The following SNX24 variants were observed in gnomAD, a reference collection of about 807,000 sequenced individuals.
SNX24 encodes the protein sorting nexin-24.
SNX24 carries 22 observed loss-of-function variants against 28.7 expected under a neutral mutation model. The observed-to-expected ratio is 0.77, with a 90% CI of 0.55 to 1.10. The LOEUF is 1.10. Among genes scored for constraint, SNX24 ranks in the 50% least tolerant of loss-of-function variants. The pLI is 0.00. For synonymous variants in SNX24, 69 were observed against 71.5 expected (o/e 0.96, Z 0.18); for missense variants, 221 against 201.1 (o/e 1.10, Z -0.60).
At position 122,889,612 on chromosome 5, in the gene SNX24, CATATATATATACACAT is replaced by C. The variant is rs1322881880; in HGVS notation, c.60+43937_60+43952del. ...GTGTATGTGTATATATATATACACA[CATATATATATACACAT>C]ATATATATATACACATACATATGTA... On this transcript the variant is annotated intron_variant, in intron 1 of 6. Coordinates refer to ENST00000261369, the MANE Select transcript of SNX24 (RefSeq NM_014035.4). 6.2e-4 allele frequency among the ~76,000 whole-genome samples: 52 copies of C among 83,380 alleles called. 1 individual carries two copies. The highest frequency in any genetic ancestry group is 3.1e-3 in the East Asian group (6 of 1,954). The allele number at this position is 83,380 out of a possible 152,430, so 54.7% of individuals were successfully genotyped here.
intron 1 of SNX24, among the ~76,000 whole-genome samples, chr5:122,886,829 CA>C (rs879293876): frequency 8.8e-4 from 123 of 139,812 alleles, no homozygotes; most frequent in Middle Eastern, 3.6e-3. Flanking sequence ...GACTCTGACT[CA>C]AAAAAAAAAA....
chr5:122,896,681 C>CG (rs1561562233), intron 1 of SNX24, among the ~76,000 whole-genome samples: 1 of 152,106 alleles, frequency 6.6e-6, no homozygotes, highest in Non-Finnish European at 1.5e-5. Flanking sequence ...TATGTACTGT[C>CG]GGGAAAAAAA....
chr5:122,934,527 T>C (rs1759101863), intron 1 of SNX24, among the ~76,000 whole-genome samples: 1 of 152,042 alleles, frequency 6.6e-6, no homozygotes. Context: ...GCCCAGCTAA[T>C]TTTTGTATTT....
intron 2 of SNX24, among the ~76,000 whole-genome samples, chr5:122,943,721 A>G (rs888789796): frequency 7.2e-5 from 11 of 152,324 alleles, no homozygotes; most frequent in Admixed American, 6.5e-5. Context: ...TGCTAGGACC[A>G]TCATACAATA....
At chr5:122,965,491 G>T (rs1035913170) in intron 3 of SNX24, 6 of 454,662 alleles carry the variant, frequency 1.3e-5, no homozygotes, top group African/African-American at 2.0e-5. Context: ...TGTTGATTTG[G>T]CTTATTTGGA....
chr5:122,863,446 A>T (rs1190674824), intron 1 of SNX24, among the ~76,000 whole-genome samples: 2 of 152,066 alleles, frequency 1.3e-5, no homozygotes, highest in Non-Finnish European at 2.9e-5. Flanking sequence ...GGTGGGGGAA[A>T]TAATGGGAGA....
At chr5:123,009,260 T>A, downstream of SNX24, 18 of 979,744 alleles carry the variant, frequency 1.8e-5, no homozygotes, top group Non-Finnish European at 2.2e-5. Flanking sequence ...TGTATCTGTC[T>A]GTTTACACAC....
At chr5:122,853,508 C>G (rs1176937266) in intron 1 of SNX24, among the ~76,000 whole-genome samples, 1 of 152,154 alleles carries the variant, frequency 6.6e-6, no homozygotes, top group Non-Finnish European at 1.5e-5. Flanking sequence ...ATGGTACATT[C>G]ATTTAAGAAT....
chr5:122,861,416 C>T lies in SNX24; in HGVS notation c.60+15723C>T, dbSNP rs114533740. ...TTAGCTAGCACTGTAACTGAGTCTT[C>T]AAAAGGTCATTCCATCATTCTACCA... On this transcript the variant is annotated intron_variant, in intron 1 of 6. Transcript: ENST00000261369. Among the ~76,000 whole-genome samples the T allele has an allele frequency of 6.6e-3, 1,003 of 152,284 alleles. 8 individuals are homozygous for T. The highest frequency in any genetic ancestry group is 0.034 in the Middle Eastern group (10 of 294).
intron 3 of SNX24, among the ~76,000 whole-genome samples, chr5:122,956,220 A>T (rs1224378193): frequency 1.3e-5 from 2 of 152,106 alleles, no homozygotes; most frequent in Non-Finnish European, 2.9e-5. Context: ...ACGTTCTATT[A>T]TATGTGGTGC....
intron 5 of SNX24, among the ~76,000 whole-genome samples, chr5:123,019,288 T>G (rs1301834663): frequency 1.3e-5 from 2 of 148,826 alleles, no homozygotes; most frequent in South Asian, 4.2e-4. Flanking sequence ...TTCTTTAATT[T>G]GAAAAAAAAA....
At chr5:122,924,523 G>A (rs901263708) in intron 1 of SNX24, among the ~76,000 whole-genome samples, 3 of 152,094 alleles carry the variant, frequency 2.0e-5, no homozygotes, top group South Asian at 2.1e-4. Flanking sequence ...AGTACAGTGT[G>A]CAATTTAAAA....
intron 3 of SNX24, among the ~76,000 whole-genome samples, chr5:122,949,254 G>A (rs1269666566): frequency 6.6e-6 from 1 of 152,080 alleles, no homozygotes. Context: ...AAAGCCTACA[G>A]TTAGCATTTA....
chr5:122,900,390 CAG>C (rs1351339449), intron 1 of SNX24, among the ~76,000 whole-genome samples: 1 of 152,044 alleles, frequency 6.6e-6, no homozygotes, highest in Non-Finnish European at 1.5e-5. Context: ...AAATGAAGAA[CAG>C]AGAACATGCA....
chr5:123,002,163 A>T, intron 6 of SNX24, 159 bp downstream of exon 6: 1 of 637,034 alleles, frequency 1.6e-6, no homozygotes, highest in Non-Finnish European at 2.8e-6. Context: ...TTAGAATTTT[A>T]ATTGGGGCTG....
At chr5:123,015,115 G>C (rs1479481914) in intron 5 of SNX24, among the ~76,000 whole-genome samples, 2 of 152,186 alleles carry the variant, frequency 1.3e-5, no homozygotes, top group Non-Finnish European at 2.9e-5. Context: ...CTCCTTCAAA[G>C]AATGTGAACT....
rs181782652 is a variant in SNX24 at position 122,909,357 on chromosome 5, G to A, written c.61-27377G>A. Among the ~76,000 whole-genome samples, 23 of 152,272 alleles carry A rather than the reference G, an allele frequency of 1.5e-4. No individual in the cohort carries two copies. The East Asian group carries it at 3.7e-3, about 24-fold the overall frequency. Reference sequence around the variant, plus strand: ...TATAAATGTTAACTTAAGTCCTCACGGAGAAAGTGTTACTGTCTTTATTTA... The same window carrying A: ...TATAAATGTTAACTTAAGTCCTCACAGAGAAAGTGTTACTGTCTTTATTTA... On this transcript the variant is annotated intron_variant, in intron 1 of 6. Coordinates refer to ENST00000261369, the MANE Select transcript of SNX24 (RefSeq NM_014035.4).
chr5:122,944,457 G>A (rs1053309725), intron 2 of SNX24, among the ~76,000 whole-genome samples: 1 of 151,986 alleles, frequency 6.6e-6, no homozygotes, highest in African/African-American at 2.4e-5. Flanking sequence ...AAAGAAGGAG[G>A]AAATGAATAT....
chr5:122,911,497 G>T (rs1210901579), intron 1 of SNX24, among the ~76,000 whole-genome samples: 6 of 150,974 alleles, frequency 4.0e-5, no homozygotes, highest in African/African-American at 7.3e-5. Context: ...GTCAATTTTG[G>T]CTTTTGTTGC....
Sources: gnomAD v4.1 joint callset for allele counts (sites outside exome capture counted in the v4.1 genomes callset) on GRCh38, gnomAD v4.1.1 for gene constraint, MANE v1.5 for transcripts, NCBI Gene and HGNC (gene_info 2026-07-23, HGNC 2026-07-21) for gene names.